MYO9B: variants seen among roughly 807,000 people sequenced by gnomAD.
MYO9B encodes the protein unconventional myosin-IXb.
Under a neutral mutation model 229.5 loss-of-function variants are expected in MYO9B, and 71 were observed. The ratio of observed to expected loss-of-function variants is 0.31; its 90% CI spans 0.26 to 0.38. The LOEUF is 0.38. MYO9B is among the 10% of genes least tolerant of loss of function. The probability of loss-of-function intolerance (pLI) is 1.00; values close to 1 mark genes in which losing one functional copy is unlikely to be tolerated. For synonymous variants in MYO9B, 1,185 were observed against 1,235.8 expected, an observed-to-expected ratio of 0.96 and a Z score of 0.86; for missense variants, 2,255 against 2,920.5, an observed-to-expected ratio of 0.77 and a Z score of 5.25.
At position 17,211,734 on chromosome 19, in the gene MYO9B, G is replaced by A. The variant is rs1281434064; in HGVS notation, c.6018G>A (p.Glu2006=). Residue 2006 remains glutamate, a synonymous_variant, in exon 39 of 40, where the codon GAG becomes GAA. Coordinates refer to ENST00000682292, the MANE Select transcript of MYO9B (RefSeq NM_004145.4). Reference sequence around the variant, plus strand: ...ACTCGGAGACGTCGGCCAGCACCGAGAGCCTGCTGGAGGAGCGGGCCGGGC... The same window carrying A: ...ACTCGGAGACGTCGGCCAGCACCGAAAGCCTGCTGGAGGAGCGGGCCGGGC... ...NLDSETSAST[E]SLLEERAGRG... is the part of the protein sequence containing the mutation. 2.5e-6 allele frequency: 4 copies of A among 1,613,050 alleles called. No homozygotes were observed.
At chr19:17,199,714 T>TTTTTTTTTTG (rs2073086559) in intron 24 of MYO9B, among the ~76,000 whole-genome samples, 1 of 126,826 alleles carries the variant, frequency 7.9e-6, no homozygotes, top group Non-Finnish European at 1.6e-5. Context: ...TTTTTTTTTT[T>TTTTTTTTTTG]TGTATTTTTG....
chr19:17,176,990 C>T (rs1044145960), intron 14 of MYO9B, among the ~76,000 whole-genome samples: 6 of 152,044 alleles, frequency 3.9e-5, no homozygotes, highest in Admixed American at 2.0e-4. Context: ...CACTTGAGGT[C>T]GGGCGTTTGA....
chr19:17,134,377 G>GTTTTT (rs1568267173), intron 2 of MYO9B, among the ~76,000 whole-genome samples: 24 of 39,722 alleles, frequency 6.0e-4, no homozygotes, highest in African/African-American at 1.6e-3. Flanking sequence ...TTTTCGTTTT[G>GTTTTT]TTTGTTTTTT....
At position 17,206,686 on chromosome 19, in the gene MYO9B, G is replaced by A. The variant is rs1050573427; in HGVS notation, c.5394G>A (p.Pro1798=). ...YGDFLRAVEL[P]EKQEQLAAIY... is the part of the protein sequence containing the mutation. The stretch of plus-strand genomic sequence containing the variant: ...AAACCCCACTGCCTGCAGAGCTGCC[G>A]GAGAAGCAGGAGCAGCTGGCTGCCA... The change falls in exon 34 of 40, where the codon CCG becomes CCA. Residue 1798 remains proline, a synonymous_variant. Coordinates refer to ENST00000682292, the MANE Select transcript of MYO9B (RefSeq NM_004145.4). 6 of 1,573,818 alleles carry A rather than the reference G, an allele frequency of 3.8e-6. No individual in the cohort carries two copies. In the African/African-American group the frequency reaches 4.1e-5, roughly 11 times the overall value.
chr19:17,210,425 AG>A (rs751291918), intron 37 of MYO9B, 45 bp downstream of exon 37: 16 of 1,537,796 alleles, frequency 1.0e-5, no homozygotes, highest in Non-Finnish European at 1.4e-5. Context: ...CTCCCGGTGC[AG>A]TGCATGCTGG....
intron 9 of MYO9B, 41 bp downstream of exon 9, chr19:17,162,507 G>A (rs2072614871): frequency 3.3e-6 from 5 of 1,498,778 alleles, no homozygotes; most frequent in East Asian, 2.5e-5. Flanking sequence ...GGCCAGGGGA[G>A]GCCACATCCT....
intron 8 of MYO9B, among the ~76,000 whole-genome samples, chr19:17,161,034 C>T (rs1568279513): frequency 6.6e-6 from 1 of 151,384 alleles, no homozygotes; most frequent in Non-Finnish European, 1.5e-5. Flanking sequence ...TTAGTAGAGA[C>T]GGGCAATCCA....
At chr19:17,088,836 G>A (rs1162311250) in intron 1 of MYO9B, among the ~76,000 whole-genome samples, 1 of 152,064 alleles carries the variant, frequency 6.6e-6, no homozygotes. Flanking sequence ...GACCACAGGT[G>A]CATGCCACTA....
At chr19:17,113,752 T>G (rs550110889) in intron 2 of MYO9B, among the ~76,000 whole-genome samples, 1 of 152,032 alleles carries the variant, frequency 6.6e-6, no homozygotes, top group South Asian at 2.1e-4. Context: ...AAGCAGTTTT[T>G]GGGGGCCCTG....
In MYO9B at chr19:17,191,323, C is replaced by T; in HGVS notation, c.2811+104C>T. ...GGGCCACTCTCTGAAACATACAGGG[C>T]TCTGTCTAGGAAATGCATTTCTCGG... On this transcript the variant is annotated intron_variant, in intron 20 of 39. Coordinates refer to ENST00000682292, the MANE Select transcript of MYO9B (RefSeq NM_004145.4). 6 of 1,360,684 alleles carry T rather than the reference C, an allele frequency of 4.4e-6. No individual in the cohort carries two copies. In the South Asian group the frequency reaches 8.7e-5, roughly 20 times the overall value. The allele number at this position is 1,360,684 out of a possible 1,614,324, so 84.3% of individuals were successfully genotyped here. A position where few individuals can be genotyped will look rare whatever the true frequency, so the allele number is the denominator to read the frequency against.
chr19:17,124,066 G>T (rs1057236946), intron 2 of MYO9B, among the ~76,000 whole-genome samples: 1 of 151,554 alleles, frequency 6.6e-6, no homozygotes, highest in African/African-American at 2.4e-5. Context: ...TTTTTGTATT[G>T]TTTGTAGAGA....
At chr19:17,119,236 G>A (rs1365291717) in intron 2 of MYO9B, among the ~76,000 whole-genome samples, 1 of 152,178 alleles carries the variant, frequency 6.6e-6, no homozygotes, top group Non-Finnish European at 1.5e-5. Context: ...CCACCCAAAG[G>A]CCTCCATGTC....
At position 17,175,702 on chromosome 19, in the gene MYO9B, T is replaced by A. The variant is rs201432545; in HGVS notation, c.2180T>A (p.Leu727Gln). The A allele has an allele frequency of 6.3e-7, 1 of 1,575,484 alleles. No homozygotes were observed. The highest frequency in any genetic ancestry group is 2.3e-5 in the East Asian group (1 of 42,702). The change falls in exon 14 of 40, where the codon CTG (leucine) becomes CAG (glutamine). Residue 727 changes from leucine (L) to glutamine (Q), a missense_variant. By Grantham distance (113) the Leu-to-Gln change is moderately radical. Transcript: ENST00000682292. Reference protein sequence around the residue: ...SPGAQSHPEELPRGASTPSEK... With the variant: ...SPGAQSHPEEQPRGASTPSEK... ...GGTGCCCAAAGTCACCCAGAAGAGC[T>A]GCCAAGAGGAGCCAGCACCCCTTCG... is the stretch of plus-strand genomic sequence containing the variant.
intron 10 of MYO9B, among the ~76,000 whole-genome samples, chr19:17,163,437 C>T (rs1000829615): frequency 3.0e-5 from 4 of 131,748 alleles, no homozygotes; most frequent in Non-Finnish European, 6.1e-5. Context: ...GTGGTATAAT[C>T]ATAGCTTACT....
In MYO9B at chr19:17,155,187, A is replaced by G. The variant is rs1419117516; in HGVS notation, c.1199+772A>G. ...TTTATATTATGCTTATGTTACTACA[A>G]TTTAATTATTTTTTTTTTTAGATGG... is the stretch of plus-strand genomic sequence containing the variant. On this transcript the variant is annotated intron_variant, in intron 6 of 39. Transcript: ENST00000682292. 4.6e-5 allele frequency among the ~76,000 whole-genome samples: 7 copies of G among 151,952 alleles called. No homozygotes were observed. The East Asian group carries it at 9.6e-4, about 21-fold the overall frequency.
At position 17,172,117 on chromosome 19, in the gene MYO9B, T is replaced by C. The variant is rs55870453; in HGVS notation, c.1794-219T>C. On this transcript the variant is annotated intron_variant, in intron 11 of 39. Coordinates refer to ENST00000682292, the MANE Select transcript of MYO9B (RefSeq NM_004145.4). The surrounding 1 kb of genome is among the most constrained non-coding windows in gnomAD (Gnocchi z 8.2). Reference sequence around the variant, plus strand: ...CCCAGATAGCAGCGTCCCAGCCCTCTGCCAGCATGTTCGGCATGAGGCAGG... The same window carrying C: ...CCCAGATAGCAGCGTCCCAGCCCTCCGCCAGCATGTTCGGCATGAGGCAGG... Among the ~76,000 whole-genome samples, 9,566 of 152,036 alleles carry C rather than the reference T, an allele frequency of 0.063. 392 individuals are homozygous for C. Among genetic ancestry groups the C allele is most frequent in the Non-Finnish European group, 0.094 (6,393 of 67,964 alleles).
At chr19:17,162,734 G>C (rs2072617463) in intron 9 of MYO9B, among the ~76,000 whole-genome samples, 1 of 151,906 alleles carries the variant, frequency 6.6e-6, no homozygotes, top group African/African-American at 2.4e-5. Context: ...GAGGCAGAAG[G>C]ATTGCTTGAG....
chr19:17,106,138 G>T (rs2057791128), intron 2 of MYO9B, among the ~76,000 whole-genome samples: 1 of 152,024 alleles, frequency 6.6e-6, no homozygotes, highest in South Asian at 2.1e-4. Flanking sequence ...TGGAATTCCA[G>T]GTGTGCACCA....
At chr19:17,110,392 C>G (rs2057836174) in intron 2 of MYO9B, among the ~76,000 whole-genome samples, 1 of 152,212 alleles carries the variant, frequency 6.6e-6, no homozygotes, top group Non-Finnish European at 1.5e-5. Context: ...CGCCCGTCGA[C>G]AGCCCAGGGG....
Sources: gnomAD v4.1 joint callset for allele counts (sites outside exome capture counted in the v4.1 genomes callset) on GRCh38, gnomAD v4.1.1 for gene constraint, Gnocchi (gnomAD v3.1) non-coding constraint, MANE v1.5 for transcripts, NCBI Gene and HGNC (gene_info 2026-07-23, HGNC 2026-07-21) for gene names.